Variants in PCDH15 observed in about 807,000 individuals in gnomAD.
PCDH15 encodes the protein protocadherin-15.
Under a neutral mutation model 178.5 loss-of-function variants are expected in PCDH15, and 129 were observed. That is an observed-to-expected ratio of 0.72 (90% CI 0.63 to 0.84). PCDH15 has a LOEUF of 0.84. Among genes scored for constraint, PCDH15 ranks in the 40% least tolerant of loss-of-function variants. The pLI is 0.00. For synonymous variants in PCDH15, 800 were observed against 732.0 expected, an observed-to-expected ratio of 1.09 and a Z score of -1.50; for missense variants, 2,230 against 2,099.9, an observed-to-expected ratio of 1.06 and a Z score of -1.21.
chr10:54,929,210 C>A (rs955859396), intron 2 of PCDH15, among the ~76,000 whole-genome samples: 1 of 152,168 alleles, frequency 6.6e-6, no homozygotes, highest in Non-Finnish European at 1.5e-5. Context: ...CAGCTCCTAA[C>A]TCCTAGACTG....
intron 2 of PCDH15, among the ~76,000 whole-genome samples, chr10:54,964,436 T>C (rs1838731805): frequency 6.6e-6 from 1 of 152,184 alleles, no homozygotes; most frequent in South Asian, 2.1e-4. Context: ...TAAGAATATT[T>C]CCTGCCAATT....
At chr10:55,061,577 T>G (rs145798415) in intron 2 of PCDH15, among the ~76,000 whole-genome samples, 72 of 152,314 alleles carry the variant, frequency 4.7e-4, no homozygotes, top group African/African-American at 1.7e-3. Context: ...TTAAAAACTT[T>G]CATTCATAGA....
intron 2 of PCDH15, among the ~76,000 whole-genome samples, chr10:54,988,882 T>C (rs553120269): frequency 2.0e-5 from 3 of 152,172 alleles, no homozygotes; most frequent in African/African-American, 7.2e-5. Flanking sequence ...ATGGGGAAAA[T>C]GTTTCCAGGG....
At chr10:55,613,282 T>C (rs923323354) in intron 2 of PCDH15, among the ~76,000 whole-genome samples, 2 of 152,168 alleles carry the variant, frequency 1.3e-5, no homozygotes, top group African/African-American at 4.8e-5. Flanking sequence ...GGTGACACTA[T>C]AGCCTATCTT....
intron 1 of PCDH15, among the ~76,000 whole-genome samples, chr10:55,282,858 C>T (rs910034888): frequency 6.6e-6 from 1 of 152,128 alleles, no homozygotes; most frequent in African/African-American, 2.4e-5. Context: ...GTGAAAGAGA[C>T]CTGACCTAAC....
At chr10:54,863,415 C>T (rs1024799101) in intron 3 of PCDH15, among the ~76,000 whole-genome samples, 8 of 151,892 alleles carry the variant, frequency 5.3e-5, no homozygotes, top group African/African-American at 1.9e-4. Context: ...GGTGGCGGGT[C>T]CCTGTAGTCC....
intron 18 of PCDH15, among the ~76,000 whole-genome samples, chr10:54,048,715 A>G (rs2093704974): frequency 6.6e-6 from 1 of 152,036 alleles, no homozygotes. Context: ...TGGGGTCTCC[A>G]TTCTGTTCCG....
intron 14 of PCDH15, among the ~76,000 whole-genome samples, chr10:54,150,438 T>C (rs890862632): frequency 1.3e-5 from 2 of 152,106 alleles, no homozygotes; most frequent in African/African-American, 4.8e-5. Flanking sequence ...ACTTCCTTTT[T>C]TTTTTGAACT....
Position 55,583,423 on chromosome 10 carries a change from C to CTTAT in PCDH15, c.-156+44198_-156+44201dup, listed in dbSNP as rs566772115. Among the ~76,000 whole-genome samples the CTTAT allele has an allele frequency of 2.8e-3, 427 of 151,970 alleles. 1 individual carries two copies. The highest frequency in any genetic ancestry group is 8.7e-3 in the African/African-American group (362 of 41,476). On this transcript the variant is annotated intron_variant, in intron 2 of 5. Coordinates refer to the PCDH15 transcript ENST00000613346. Reference sequence around the variant, plus strand: ...ATGTTCTGTTGGATCTTAACACTATCTTATTTATTTATTTATTTATTTATG... The same window carrying CTTAT: ...ATGTTCTGTTGGATCTTAACACTATCTTATTTATTTATTTATTTATTTATTTATG...
intron 2 of PCDH15, among the ~76,000 whole-genome samples, chr10:55,522,879 G>T (rs1204052595): frequency 6.6e-6 from 1 of 150,950 alleles, no homozygotes; most frequent in Non-Finnish European, 1.5e-5. Flanking sequence ...TAGTTTCTTT[G>T]TTCTTTTCTT....
intron 1 of PCDH15, among the ~76,000 whole-genome samples, chr10:55,290,949 G>A (rs940110735): frequency 4.6e-5 from 7 of 152,100 alleles, no homozygotes; most frequent in African/African-American, 1.2e-4. Context: ...AAAATTCTAA[G>A]TGTCTTCCTT....
intron 3 of PCDH15, among the ~76,000 whole-genome samples, chr10:54,839,329 G>C (rs190052487): frequency 1.8e-4 from 27 of 152,058 alleles, no homozygotes; most frequent in Admixed American, 1.4e-3. Flanking sequence ...CATAAAAAGA[G>C]ATTCAAATAG....
intron 8 of PCDH15, among the ~76,000 whole-genome samples, chr10:54,298,520 C>A (rs2059938423): frequency 6.6e-6 from 1 of 152,142 alleles, no homozygotes; most frequent in African/African-American, 2.4e-5. Flanking sequence ...TGCAAGGACA[C>A]CTTAAAAAAG....
rs548260037 is a variant in PCDH15 at position 54,174,843 on chromosome 10, G to C, written c.1590+8601C>G. On this transcript the variant is annotated intron_variant, in intron 13 of 37. Coordinates refer to ENST00000644397, the MANE Select transcript of PCDH15 (RefSeq NM_001384140.1). ...GAGGTGTTGCTAGTTTCTTAGATTG[G>C]GGAATATCATCCATTTGAAAAAATG... 3.7e-4 allele frequency among the ~76,000 whole-genome samples: 55 copies of C among 150,552 alleles called. 1 individual carries two copies. The highest frequency in any genetic ancestry group is 6.6e-4 in the Non-Finnish European group (45 of 67,730).
At chr10:55,562,413 G>GT (rs1202931941) in intron 2 of PCDH15, among the ~76,000 whole-genome samples, 3 of 151,914 alleles carry the variant, frequency 2.0e-5, no homozygotes, top group African/African-American at 7.2e-5. Flanking sequence ...ATTCATAATA[G>GT]TTTAAAACTT....
chr10:55,207,163 A>G (rs1289467484), intron 1 of PCDH15, among the ~76,000 whole-genome samples: 1 of 152,100 alleles, frequency 6.6e-6, no homozygotes, highest in Non-Finnish European at 1.5e-5. Context: ...TTATTTATTA[A>G]ATAGTAATTT....
At chr10:54,767,449 T>C (rs75350454) in intron 1 of PCDH15, among the ~76,000 whole-genome samples, 118 of 152,144 alleles carry the variant, frequency 7.8e-4, no homozygotes, top group Middle Eastern at 6.8e-3. Flanking sequence ...TTAAATTACA[T>C]AGACAGTCCA....
intron 2 of PCDH15, among the ~76,000 whole-genome samples, chr10:55,442,104 A>G (rs2132069860): frequency 6.6e-6 from 1 of 152,280 alleles, no homozygotes; most frequent in Admixed American, 6.5e-5. Flanking sequence ...AGTAACTATT[A>G]AATTACCAAG....
intron 2 of PCDH15, among the ~76,000 whole-genome samples, chr10:55,041,561 T>G (rs1011777048): frequency 6.6e-6 from 1 of 152,126 alleles, no homozygotes; most frequent in African/African-American, 2.4e-5. Context: ...TTTTTTTTTC[T>G]TGGAGTGTTC....
Sources: allele counts gnomAD v4.1 joint callset (sites outside exome capture counted in the v4.1 genomes callset), GRCh38; gene constraint gnomAD v4.1.1; transcripts MANE v1.5; gene names NCBI Gene and HGNC (gene_info 2026-07-23, HGNC 2026-07-21).